SMIM19: variants seen among roughly 807,000 people sequenced by gnomAD.
SMIM19 encodes small integral membrane protein 19.
A neutral mutation model predicts 13.2 loss-of-function variants in SMIM19; 6 were observed. The observed-to-expected ratio is 0.45, with a 90% CI of 0.25 to 0.90. SMIM19 has a LOEUF of 0.90. SMIM19 is among the 40% of genes least tolerant of loss of function. SMIM19 has a pLI of 0.19. For synonymous variants in SMIM19, 46 were observed against 43.1 expected, an observed-to-expected ratio of 1.07 and a Z score of -0.27; for missense variants, 138 against 131.0, an observed-to-expected ratio of 1.05 and a Z score of -0.26.
chr8:42,547,933 G>A (rs1338232495), intron 2 of SMIM19, among the ~76,000 whole-genome samples: 1 of 152,172 alleles, frequency 6.6e-6, no homozygotes, highest in African/African-American at 2.4e-5. Context: ...AGGTAAAAAG[G>A]CATTCGAGAG....
intron 2 of SMIM19, among the ~76,000 whole-genome samples, chr8:42,547,054 GT>G: frequency 6.6e-6 from 1 of 151,370 alleles, no homozygotes; most frequent in East Asian, 2.0e-4. Flanking sequence ...GGTGGCCAAG[GT>G]TTGGCTCTGA....
intron 1 of SMIM19, 46 bp from the exon 2 acceptor site, chr8:42,546,423 A>G (rs1813484692): frequency 6.4e-7 from 1 of 1,565,618 alleles, no homozygotes; most frequent in South Asian, 1.2e-5. Flanking sequence ...AGACAGTGCT[A>G]CCATCATTAA....
At chr8:42,543,396 G>T (rs1209772274) in intron 1 of SMIM19, among the ~76,000 whole-genome samples, 1 of 152,148 alleles carries the variant, frequency 6.6e-6, no homozygotes, top group Non-Finnish European at 1.5e-5. Flanking sequence ...GGCGGGAAAG[G>T]CCTCCCCTCT....
intron 3 of SMIM19, among the ~76,000 whole-genome samples, chr8:42,549,605 G>T (rs1233374811): frequency 6.6e-6 from 1 of 152,088 alleles, no homozygotes; most frequent in Non-Finnish European, 1.5e-5. Context: ...AGTTTAATGG[G>T]TCCAGAGTTC....
intron 2 of SMIM19, among the ~76,000 whole-genome samples, chr8:42,547,722 A>G (rs1486685093): frequency 6.6e-6 from 1 of 152,186 alleles, no homozygotes; most frequent in African/African-American, 2.4e-5. Context: ...TTGGTGTGCC[A>G]TATAGTGTAA....
chr8:42,545,379 C>A (rs905719795), intron 1 of SMIM19, among the ~76,000 whole-genome samples: 1 of 152,214 alleles, frequency 6.6e-6, no homozygotes, highest in African/African-American at 2.4e-5. Flanking sequence ...CTTCTTTCAA[C>A]CAAATTTGTC....
At chr8:42,547,260 C>T (rs1290500778) in intron 2 of SMIM19, among the ~76,000 whole-genome samples, 2 of 151,194 alleles carry the variant, frequency 1.3e-5, no homozygotes, top group African/African-American at 4.9e-5. Context: ...CTTGGGAGGC[C>T]GAGGCAGGAG....
Position 42,542,670 on chromosome 8 carries a change from GTAGT to G in SMIM19, c.-5+299_-5+302del, listed in dbSNP as rs1259671746. On this transcript the variant is annotated intron_variant, in intron 1 of 3. Transcript: ENST00000417410. ...TACAGTGACCTAGTCCCTAGAAAAA[GTAGT>G]TCTCGGCTGGGCACGGTGGCTCACG... is the stretch of plus-strand genomic sequence containing the variant. Among the ~76,000 whole-genome samples, 2 of 152,098 alleles carry G rather than the reference GTAGT, an allele frequency of 1.3e-5. 1 individual carries two copies. The highest frequency in any genetic ancestry group is 2.9e-5 in the Non-Finnish European group (2 of 68,008).
chr8:42,551,495 T>C (rs1813676200), intron 3 of SMIM19, among the ~76,000 whole-genome samples: 1 of 152,240 alleles, frequency 6.6e-6, no homozygotes, highest in South Asian at 2.1e-4. Flanking sequence ...CTAGTTTATA[T>C]TGAAGACATT....
chr8:42,548,420 T>G (rs1813557631), intron 2 of SMIM19: 1 of 553,738 alleles, frequency 1.8e-6, no homozygotes, highest in Admixed American at 2.2e-5. Context: ...ATGGAGGAAC[T>G]TCACTTTGTT....
chr8:42,552,712 T>C lies in SMIM19; in HGVS notation c.*104T>C. On this transcript the variant is annotated 3_prime_UTR_variant, in exon 4 of 4. Transcript: ENST00000417410. ...CATTTCTGTCTGCATAAAATTATTT[T>C]ACTTGTAACTTTTCCCCAATTGTTC... 1.5e-6 allele frequency: 2 copies of C among 1,344,250 alleles called. No individual in the cohort carries two copies. Among genetic ancestry groups the C allele is most frequent in the Admixed American group, 4.0e-5 (2 of 49,670 alleles). 83.3% of individuals were successfully genotyped at this position (1,344,250 alleles called of 1,614,324 possible).
At chr8:42,544,798 C>G (rs1813421225) in intron 1 of SMIM19, among the ~76,000 whole-genome samples, 1 of 152,190 alleles carries the variant, frequency 6.6e-6, no homozygotes, top group South Asian at 2.1e-4. Flanking sequence ...ACAGACCTCT[C>G]CTGAAATTTC....
chr8:42,548,319 G>A (rs1586327887), intron 2 of SMIM19: 19 of 451,796 alleles, frequency 4.2e-5, no homozygotes, highest in South Asian at 2.8e-4. Context: ...GCTTTATCTG[G>A]ATGTCATGAA....
chr8:42,545,119 T>C (rs1024405853), intron 1 of SMIM19, among the ~76,000 whole-genome samples: 2 of 152,252 alleles, frequency 1.3e-5, no homozygotes, highest in East Asian at 1.9e-4. Context: ...ACAACACTTC[T>C]GGATTTTCTT....
chr8:42,549,264 A>G (rs939725277), intron 3 of SMIM19, among the ~76,000 whole-genome samples: 2 of 152,060 alleles, frequency 1.3e-5, no homozygotes, highest in African/African-American at 4.8e-5. Context: ...ATACAAAAAT[A>G]AGCTGGGCAC....
At position 42,548,674 on chromosome 8, in the gene SMIM19, G is replaced by T; in HGVS notation, c.153G>T (p.Met51Ile). Reference protein sequence around the residue: ...MYAKRNKRRIMRIFSVPPTEE... With the variant: ...MYAKRNKRRIIRIFSVPPTEE... ...TGTTTAGGAACAAAAGGAGAATTATGAGGATATTCAGTGTGCCACCTACAG... is the reference window on the plus strand; with the variant it reads ...TGTTTAGGAACAAAAGGAGAATTATTAGGATATTCAGTGTGCCACCTACAG... The change falls in exon 3 of 4, where the codon ATG becomes ATT. Residue 51 changes from methionine to isoleucine, a missense_variant. By Grantham distance (10) the Met-to-Ile change is conservative. Coordinates refer to ENST00000417410, the MANE Select transcript of SMIM19 (RefSeq NM_001135674.2). The T allele has an allele frequency of 6.2e-7, 1 of 1,613,720 alleles. No homozygotes were observed. Among genetic ancestry groups the T allele is most frequent in the South Asian group, 1.1e-5 (1 of 90,984 alleles).
chr8:42,552,665 A>G lies in SMIM19; in HGVS notation c.*57A>G. On this transcript the variant is annotated 3_prime_UTR_variant, in exon 4 of 4. Coordinates refer to ENST00000417410, the MANE Select transcript of SMIM19 (RefSeq NM_001135674.2). ...TTTCAAGCTCCTGATTCTTTCTACT[A>G]AATCATGAACAGCTTTAAAAACATT... 1.9e-6 allele frequency: 3 copies of G among 1,553,328 alleles called. No individual in the cohort carries two copies. Among genetic ancestry groups the G allele is most frequent in the Non-Finnish European group, 2.7e-6 (3 of 1,129,350 alleles).
chr8:42,541,195 C>G (rs982056345), upstream of SMIM19: 1 of 152,108 alleles, frequency 6.6e-6, no homozygotes, highest in Non-Finnish European at 1.5e-5. Context: ...GCCCGGCACT[C>G]GCAGGTAATG....
rs1330064198 is a variant in SMIM19 at position 42,546,495 on chromosome 8, T to C, written c.23T>C (p.Met8Thr). Residue 8 changes from methionine to threonine, a missense_variant, in exon 2 of 4, where the codon ATG (methionine) becomes ACG (threonine). Met to Thr is a moderately conservative substitution (Grantham distance 81). Transcript: ENST00000417410. MAGGYGV[M>T]GDDGSIDYTV... ...CCCATGGCTGGGGGTTATGGAGTGA[T>C]GGGTGACGATGGTTCTATTGATTAT... The C allele has an allele frequency of 6.2e-7, 1 of 1,613,166 alleles. No homozygotes were observed. Among genetic ancestry groups the C allele is most frequent in the Non-Finnish European group, 8.5e-7 (1 of 1,179,782 alleles).
Sources: allele counts gnomAD v4.1 joint callset (sites outside exome capture counted in the v4.1 genomes callset), GRCh38; gene constraint gnomAD v4.1.1; transcripts MANE v1.5; gene names NCBI Gene and HGNC (gene_info 2026-07-23, HGNC 2026-07-21).